Variants in TMOD3 observed in about 807,000 individuals in gnomAD.
The protein encoded by TMOD3 is tropomodulin 3.
TMOD3 carries 20 observed loss-of-function variants against 39.2 expected under a neutral mutation model. The observed-to-expected ratio is 0.51, with a 90% CI of 0.36 to 0.74. The LOEUF (loss-of-function observed/expected upper bound fraction) is 0.74, where lower values mean the gene tolerates loss of function less well. Ranked by LOEUF, TMOD3 falls within the 30% of genes least tolerant of loss-of-function variation. The probability of loss-of-function intolerance (pLI) is 0.00; values close to 1 mark genes in which losing one functional copy is unlikely to be tolerated. For synonymous variants in TMOD3, 143 were observed against 145.8 expected, an observed-to-expected ratio of 0.98 and a Z score of 0.14; for missense variants, 381 against 412.8, an observed-to-expected ratio of 0.92 and a Z score of 0.67.
At chr15:51,885,925 A>C (rs2056559564) in intron 3 of TMOD3, among the ~76,000 whole-genome samples, 1 of 135,110 alleles carries the variant, frequency 7.4e-6, no homozygotes, top group Non-Finnish European at 1.6e-5. Context: ...GCTGCCCCCC[A>C]CCTCCCTCCC....
At chr15:51,898,417 G>A (rs1273953494) in intron 7 of TMOD3, among the ~76,000 whole-genome samples, 1 of 151,952 alleles carries the variant, frequency 6.6e-6, no homozygotes, top group Non-Finnish European at 1.5e-5. Context: ...ACCCTATTGT[G>A]CCTTTTTTCT....
chr15:51,884,699 C>G (rs548530852), intron 3 of TMOD3: 14 of 151,936 alleles, frequency 9.2e-5, no homozygotes, highest in African/African-American at 2.4e-4. Context: ...CCTGTTCTGG[C>G]TTTATTGTGT....
chr15:51,885,545 G>A (rs1441281644), intron 3 of TMOD3, among the ~76,000 whole-genome samples: 2 of 152,070 alleles, frequency 1.3e-5, no homozygotes, highest in African/African-American at 2.4e-5. Flanking sequence ...ATCTTGCACC[G>A]CCCTTAATCC....
At chr15:51,832,214 TA>T in intron 1 of TMOD3, among the ~76,000 whole-genome samples, 1 of 131,452 alleles carries the variant, frequency 7.6e-6, no homozygotes, top group South Asian at 2.3e-4. Flanking sequence ...TATATATATA[TA>T]TATATATATA....
At chr15:51,831,759 C>G (rs1407903968) in intron 1 of TMOD3, among the ~76,000 whole-genome samples, 1 of 149,220 alleles carries the variant, frequency 6.7e-6, no homozygotes, top group East Asian at 2.0e-4. Flanking sequence ...TTTTTTTTCT[C>G]TCCTCCTCTT....
intron 3 of TMOD3, 118 bp from the exon 4 acceptor site, chr15:51,887,471 T>A: frequency 9.2e-7 from 1 of 1,088,560 alleles, no homozygotes; most frequent in Non-Finnish European, 1.3e-6. Flanking sequence ...AAAACAAAAT[T>A]ACTGTCGATG....
intron 1 of TMOD3, among the ~76,000 whole-genome samples, chr15:51,838,151 T>C (rs759710292): frequency 2.6e-5 from 4 of 152,246 alleles, no homozygotes; most frequent in Middle Eastern, 3.4e-3. Context: ...CTGGATTCCC[T>C]CCCAGCTCCA....
chr15:51,845,403 A>G (rs1432626961), intron 1 of TMOD3, among the ~76,000 whole-genome samples: 1 of 152,192 alleles, frequency 6.6e-6, no homozygotes, highest in Non-Finnish European at 1.5e-5. Flanking sequence ...AAGTCCATAG[A>G]TCCGCTCACC....
intron 1 of TMOD3, among the ~76,000 whole-genome samples, chr15:51,839,985 C>A (rs966423808): frequency 6.6e-6 from 1 of 152,104 alleles, no homozygotes; most frequent in Non-Finnish European, 1.5e-5. Context: ...ACTGAGTCCC[C>A]TTATATTACT....
At chr15:51,908,706 G>A in intron 9 of TMOD3, 70 bp from the exon 10 acceptor site, 1 of 1,280,216 alleles carries the variant, frequency 7.8e-7, no homozygotes, top group Non-Finnish European at 1.1e-6. Flanking sequence ...AAACTTGCTT[G>A]TTATAAGCAA....
chr15:51,900,674 A>C (rs1219681944), intron 8 of TMOD3, among the ~76,000 whole-genome samples: 1 of 152,234 alleles, frequency 6.6e-6, no homozygotes, highest in African/African-American at 2.4e-5. Flanking sequence ...CATCCAGAGT[A>C]GCTATTAATT....
At chr15:51,882,667 T>C (rs2056540964) in intron 3 of TMOD3, among the ~76,000 whole-genome samples, 1 of 152,238 alleles carries the variant, frequency 6.6e-6, no homozygotes, top group Non-Finnish European at 1.5e-5. Flanking sequence ...TATATTCTAT[T>C]GATCTAAATG....
chr15:51,860,702 G>T, intron 1 of TMOD3: 1 of 425,118 alleles, frequency 2.4e-6, no homozygotes, highest in South Asian at 1.7e-5. Flanking sequence ...TTGGGAGGCC[G>T]AGGCGGGTGG....
Position 51,885,300 on chromosome 15 carries a change from T to TTG in TMOD3, c.284-2288_284-2287insGT, listed in dbSNP as rs1555387496. ...TTCTTTTTTCTTTTTTTTTTTTTTT[T>TTG]TTAGTATTTATTGATCATTCTTGGG... On this transcript the variant is annotated intron_variant, in intron 3 of 9. Coordinates refer to ENST00000308580, the MANE Select transcript of TMOD3 (RefSeq NM_014547.5). Among the ~76,000 whole-genome samples, 574 of 150,630 alleles carry TTG rather than the reference T, an allele frequency of 3.8e-3. 5 individuals carry two copies. Among genetic ancestry groups the TTG allele is most frequent in the African/African-American group, 0.013 (533 of 41,156 alleles).
intron 1 of TMOD3, among the ~76,000 whole-genome samples, chr15:51,852,043 G>T (rs999303904): frequency 6.6e-6 from 1 of 152,064 alleles, no homozygotes; most frequent in African/African-American, 2.4e-5. Flanking sequence ...TTGCTGTCTC[G>T]TATTACCTTC....
At chr15:51,837,845 T>A (rs2056294147) in intron 1 of TMOD3, among the ~76,000 whole-genome samples, 1 of 152,218 alleles carries the variant, frequency 6.6e-6, no homozygotes, top group Non-Finnish European at 1.5e-5. Flanking sequence ...CTGGCACTGC[T>A]TTAAGCCCCT....
intron 3 of TMOD3, among the ~76,000 whole-genome samples, chr15:51,887,009 A>G (rs919627026): frequency 4.6e-5 from 7 of 152,072 alleles, no homozygotes; most frequent in African/African-American, 1.7e-4. Context: ...ACCTTAGGTC[A>G]GTAGTTTGAG....
intron 1 of TMOD3, among the ~76,000 whole-genome samples, chr15:51,842,534 GC>G (rs1304171935): frequency 1.3e-4 from 20 of 152,212 alleles, no homozygotes; most frequent in Admixed American, 8.5e-4. Flanking sequence ...ACTTACAAGT[GC>G]CCTGTCTGTT....
intron 6 of TMOD3, among the ~76,000 whole-genome samples, chr15:51,894,348 T>G (rs1459458018): frequency 3.3e-5 from 5 of 152,130 alleles, no homozygotes; most frequent in Non-Finnish European, 7.4e-5. Flanking sequence ...CCCAAAAGTT[T>G]GAGACCAGCC....
Sources: gnomAD v4.1 joint callset for allele counts (sites outside exome capture counted in the v4.1 genomes callset) on GRCh38, gnomAD v4.1.1 for gene constraint, MANE v1.5 for transcripts, NCBI Gene and HGNC (gene_info 2026-07-23, HGNC 2026-07-21) for gene names.